Variants in STARD13 observed in about 807,000 individuals in gnomAD.
STARD13 encodes the protein StAR related lipid transfer domain containing 13, also known as stAR-related lipid transfer protein 13.
STARD13 carries 62 observed loss-of-function variants against 106.4 expected under a neutral mutation model. The ratio of observed to expected loss-of-function variants is 0.58; its 90% CI spans 0.48 to 0.72. The LOEUF (loss-of-function observed/expected upper bound fraction) is 0.72. Ranked by LOEUF, STARD13 falls within the 30% of genes least tolerant of loss-of-function variation. The pLI is 0.00. For synonymous variants in STARD13, 565 were observed against 553.0 expected (o/e 1.02, Z -0.31); for missense variants, 1,387 against 1,424.0 (o/e 0.97, Z 0.42).
At chr13:33,148,421 C>T (rs904739193) in intron 3 of STARD13, among the ~76,000 whole-genome samples, 1 of 152,184 alleles carries the variant, frequency 6.6e-6, no homozygotes, top group African/African-American at 2.4e-5. Context: ...GGCAAAACAT[C>T]TGAACAGACA....
At chr13:33,323,606 T>G (rs1893637152) in intron 1 of STARD13, among the ~76,000 whole-genome samples, 1 of 152,230 alleles carries the variant, frequency 6.6e-6, no homozygotes, top group African/African-American at 2.4e-5. Flanking sequence ...GGTACTTAGC[T>G]TCTCATTTTA....
the STARD13 span, among the ~76,000 whole-genome samples, chr13:33,495,393 T>A: frequency 1.4e-4 from 22 of 152,288 alleles, no homozygotes; most frequent in East Asian, 3.1e-3. Flanking sequence ...TCAAATAATA[T>A]GAGCTCCTCT....
chr13:33,225,102 A>C (rs778943553), intron 1 of STARD13, among the ~76,000 whole-genome samples: 2 of 152,210 alleles, frequency 1.3e-5, no homozygotes, highest in Non-Finnish European at 2.9e-5. Context: ...TTTCTTTCTA[A>C]ACGGAATATA....
At chr13:33,521,976 T>C in the STARD13 span, among the ~76,000 whole-genome samples, 22 of 152,238 alleles carry the variant, frequency 1.4e-4, 1 homozygote, top group South Asian at 4.3e-3. Flanking sequence ...CTAAAGATAA[T>C]GGCTTTTTCC....
chr13:33,411,049 C>G, the STARD13 span, among the ~76,000 whole-genome samples: 1,091 of 152,360 alleles, frequency 7.2e-3, 17 homozygotes, highest in African/African-American at 0.024. Context: ...CCTACCATTA[C>G]AGTCCCTATG....
At chr13:33,228,571 A>G (rs767824800) in intron 1 of STARD13, among the ~76,000 whole-genome samples, 3 of 152,228 alleles carry the variant, frequency 2.0e-5, no homozygotes, top group Non-Finnish European at 4.4e-5. Context: ...GTGGTTAGTC[A>G]ACCAAGAGTT....
chr13:33,470,015 A>G, the STARD13 span, among the ~76,000 whole-genome samples: 1 of 152,132 alleles, frequency 6.6e-6, no homozygotes, highest in African/African-American at 2.4e-5. Context: ...TCAACCCATC[A>G]TCTACATTAG....
intron 4 of STARD13, among the ~76,000 whole-genome samples, chr13:33,139,687 G>C (rs543066560): frequency 1.0e-3 from 158 of 152,254 alleles, no homozygotes; most frequent in Middle Eastern, 0.01. Context: ...TTCACGGGGT[G>C]CTCGATTCTC....
At chr13:33,564,582 T>C in the STARD13 span, among the ~76,000 whole-genome samples, 1 of 147,322 alleles carries the variant, frequency 6.8e-6, no homozygotes, top group African/African-American at 2.5e-5. Flanking sequence ...CTACACTCCA[T>C]GTTTACTCCA....
the STARD13 span, among the ~76,000 whole-genome samples, chr13:33,538,874 A>C: frequency 6.6e-6 from 1 of 151,164 alleles, no homozygotes; most frequent in Admixed American, 6.6e-5. Context: ...GGTTCACACC[A>C]TTCTCCTGCC....
chr13:33,464,029 A>ATATATATGTATATG, the STARD13 span, among the ~76,000 whole-genome samples: 3 of 143,622 alleles, frequency 2.1e-5, no homozygotes, highest in Non-Finnish European at 4.6e-5. Flanking sequence ...AAATACATAT[A>ATATATATGTATATG]TATATATATA....
intron 1 of STARD13, among the ~76,000 whole-genome samples, chr13:33,228,160 A>C (rs1271688542): frequency 3.3e-5 from 5 of 152,222 alleles, no homozygotes; most frequent in African/African-American, 1.2e-4. Flanking sequence ...GCACAGAAGC[A>C]TGAAGAGTAC....
chr13:33,395,798 C>A, the STARD13 span, among the ~76,000 whole-genome samples: 1 of 152,066 alleles, frequency 6.6e-6, no homozygotes. Flanking sequence ...AAAGTCCTGA[C>A]TTAGTAAAGA....
rs1283772308 is a variant in STARD13 at position 33,129,703 on chromosome 13, C to A, written c.974G>T (p.Cys325Phe). The A allele has an allele frequency of 1.2e-6, 2 of 1,614,130 alleles. No homozygotes were observed. Among genetic ancestry groups the A allele is most frequent in the Non-Finnish European group, 1.7e-6 (2 of 1,180,044 alleles). ...PPPACRKGLP[C>F]SGKSSGESSP... ...GCTCTCGCCACTCGACTTGCCAGAG[C>A]ATGGGAGCCCTTTTCTGCAGGCAGG... Residue 325 changes from cysteine to phenylalanine, a missense_variant, in exon 5 of 14, where the codon TGC becomes TTC. Transcript: ENST00000336934.
At chr13:33,209,431 G>A (rs1306067324) in intron 1 of STARD13, among the ~76,000 whole-genome samples, 1 of 151,232 alleles carries the variant, frequency 6.6e-6, no homozygotes, top group Non-Finnish European at 1.5e-5. Context: ...CAAAAAGCAT[G>A]ATGTCTGAAT....
intron 1 of STARD13, among the ~76,000 whole-genome samples, 189 bp from the exon 2 acceptor site, chr13:33,167,811 T>C (rs1883503259): frequency 6.6e-6 from 1 of 152,154 alleles, no homozygotes; most frequent in African/African-American, 2.4e-5. Flanking sequence ...AAGGTCCTTG[T>C]TATGTGTCTG....
chr13:33,404,805 C>G, the STARD13 span, among the ~76,000 whole-genome samples: 1 of 138,742 alleles, frequency 7.2e-6, no homozygotes, highest in South Asian at 2.3e-4. Flanking sequence ...GAGACAGAGT[C>G]TCACTCTGTC....
chr13:33,436,424 A>C, the STARD13 span, among the ~76,000 whole-genome samples: 1 of 152,234 alleles, frequency 6.6e-6, no homozygotes, highest in Non-Finnish European at 1.5e-5. Flanking sequence ...CAATGAAAAG[A>C]GGAATTAAAA....
Position 33,161,557 on chromosome 13 carries a change from C to T in STARD13, c.323+3780G>A, listed in dbSNP as rs189008993. Among the ~76,000 whole-genome samples the T allele has an allele frequency of 3.7e-3, 558 of 152,256 alleles. 4 individuals carry two copies. The highest frequency in any genetic ancestry group is 0.011 in the South Asian group (52 of 4,818). ...CTCAAACTCCTGGGCCCAAGACATC[C>T]ACCCACCTCAGCCTCCCAAAGTGCT... is the stretch of plus-strand genomic sequence containing the variant. On this transcript the variant is annotated intron_variant, in intron 3 of 13. Coordinates refer to ENST00000336934, the MANE Select transcript of STARD13 (RefSeq NM_178006.4).
Sources: allele counts gnomAD v4.1 joint callset (sites outside exome capture counted in the v4.1 genomes callset), GRCh38; gene constraint gnomAD v4.1.1; transcripts MANE v1.5; gene names NCBI Gene and HGNC (gene_info 2026-07-23, HGNC 2026-07-21).